The following TMTC1 variants were observed in gnomAD, a reference collection of about 807,000 sequenced individuals.
TMTC1 encodes the protein protein O-mannosyl-transferase TMTC1.
A neutral mutation model predicts 104.8 loss-of-function variants in TMTC1; 73 were observed. The ratio of observed to expected loss-of-function variants is 0.70; its 90% CI spans 0.58 to 0.85. TMTC1 has a LOEUF of 0.85. Among genes scored for constraint, TMTC1 ranks in the 40% least tolerant of loss-of-function variants. The pLI is 0.00. For missense variants in TMTC1, 1,035 were observed against 1,096.1 expected (o/e 0.94, Z 0.79); for synonymous variants, 434 against 428.7 (o/e 1.01, Z -0.15).
At chr12:29,553,532 T>C (rs1462639989) in intron 10 of TMTC1, among the ~76,000 whole-genome samples, 1 of 152,166 alleles carries the variant, frequency 6.6e-6, no homozygotes, top group African/African-American at 2.4e-5. Flanking sequence ...GCTTGTTTTC[T>C]CTTCTTTCCT....
intron 10 of TMTC1, among the ~76,000 whole-genome samples, chr12:29,547,784 C>G (rs539764993): frequency 6.6e-6 from 1 of 152,226 alleles, no homozygotes; most frequent in South Asian, 2.1e-4. Context: ...TGTGTGTACG[C>G]AATGGATATG....
intron 5 of TMTC1, among the ~76,000 whole-genome samples, chr12:29,675,812 T>C (rs1191527593): frequency 6.6e-6 from 1 of 152,174 alleles, no homozygotes; most frequent in African/African-American, 2.4e-5. Context: ...TGAGCCAATA[T>C]AAGGTATTCT....
chr12:29,561,592 A>C (rs1945379018), intron 9 of TMTC1, among the ~76,000 whole-genome samples: 1 of 152,224 alleles, frequency 6.6e-6, no homozygotes, highest in Non-Finnish European at 1.5e-5. Flanking sequence ...CTTCAGCTTT[A>C]ACCTCAACTA....
At chr12:29,727,387 AT>A (rs1942424358) in intron 5 of TMTC1, among the ~76,000 whole-genome samples, 1 of 150,998 alleles carries the variant, frequency 6.6e-6, no homozygotes, top group Non-Finnish European at 1.5e-5. Context: ...TTATTTATTT[AT>A]TTTTTTGAGA....
chr12:29,710,815 TATA>T (rs57218526), intron 5 of TMTC1, among the ~76,000 whole-genome samples: 96,159 of 132,190 alleles, frequency 0.73, 35,937 homozygotes, highest in South Asian at 0.84. Context: ...TTATATATAA[TATA>T]ATGTTTATAT....
intron 8 of TMTC1, among the ~76,000 whole-genome samples, chr12:29,581,836 T>G (rs1429001868): frequency 6.6e-6 from 1 of 152,126 alleles, no homozygotes; most frequent in Non-Finnish European, 1.5e-5. Flanking sequence ...TACTCCTGTG[T>G]TTACCGAATG....
chr12:29,631,067 T>G (rs1004914188), intron 6 of TMTC1, among the ~76,000 whole-genome samples: 1 of 152,232 alleles, frequency 6.6e-6, no homozygotes, highest in Non-Finnish European at 1.5e-5. Flanking sequence ...TCTTCTTCTG[T>G]GCAGGGTCTA....
intron 7 of TMTC1, among the ~76,000 whole-genome samples, chr12:29,593,316 C>T (rs1327688635): frequency 6.6e-6 from 1 of 152,102 alleles, no homozygotes; most frequent in Non-Finnish European, 1.5e-5. Context: ...GTTAAAGGTA[C>T]CAAATGCAGT....
In TMTC1 at chr12:29,502,341, T is replaced by TTG. The variant is rs983448520; in HGVS notation, c.*4504_*4505insCA. The stretch of plus-strand genomic sequence containing the variant: ...TCCACCACAAATCAAAGCAAAAGTT[T>TTG]TTTTTTTTTTCAAAAACAGATTCTA... On this transcript the variant is annotated 3_prime_UTR_variant, in exon 18 of 18. Coordinates refer to ENST00000539277, the MANE Select transcript of TMTC1 (RefSeq NM_001193451.2). 1.3e-4 allele frequency: 19 copies of TTG among 151,932 alleles called. No individual in the cohort carries two copies. The highest frequency in any genetic ancestry group is 4.6e-4 in the African/African-American group (19 of 41,408). The allele number at this position is 151,932 out of a possible 1,614,324, so 9.4% of individuals were successfully genotyped here.
intron 5 of TMTC1, among the ~76,000 whole-genome samples, chr12:29,724,395 T>C (rs1942324390): frequency 6.6e-6 from 1 of 152,212 alleles, no homozygotes; most frequent in South Asian, 2.1e-4. Flanking sequence ...AAATGTCATT[T>C]GTAAGAATAC....
chr12:29,617,536 CAGAGAGAGAG>C (rs145115277), intron 6 of TMTC1, among the ~76,000 whole-genome samples: 7 of 134,942 alleles, frequency 5.2e-5, no homozygotes, highest in Middle Eastern at 3.5e-3. Flanking sequence ...AAACAGACAA[CAGAGAGAGAG>C]AGAGAGAGAG....
At chr12:29,738,855 T>C (rs771754869) in intron 5 of TMTC1, among the ~76,000 whole-genome samples, 9 of 152,116 alleles carry the variant, frequency 5.9e-5, no homozygotes. Flanking sequence ...AGAAAACAAA[T>C]GCACTCAAGG....
chr12:29,629,684 G>A (rs957260686), intron 6 of TMTC1, among the ~76,000 whole-genome samples: 1 of 152,192 alleles, frequency 6.6e-6, no homozygotes, highest in East Asian at 1.9e-4. Flanking sequence ...AGCTGAGAGT[G>A]ATTACTTAAT....
intron 5 of TMTC1, among the ~76,000 whole-genome samples, chr12:29,712,938 T>A (rs980775841): frequency 4.6e-5 from 7 of 152,182 alleles, no homozygotes; most frequent in Non-Finnish European, 8.8e-5. Flanking sequence ...GGTGTTCAGT[T>A]GTTTGTTCAA....
rs566139194 is a variant in TMTC1, at chr12:29,727,522, A to G, written c.938+24144T>C. ...CTCTCAAGTAGCTGGGACTACAGGC[A>G]CCCACCACCACGCCTGGCTAATTTT... On this transcript the variant is annotated intron_variant, in intron 5 of 17. Transcript: ENST00000539277. Among the ~76,000 whole-genome samples, 17 of 151,916 alleles carry G rather than the reference A, an allele frequency of 1.1e-4. No homozygotes were observed. In the South Asian group the frequency reaches 3.5e-3, roughly 32 times the overall value.
intron 5 of TMTC1, among the ~76,000 whole-genome samples, chr12:29,725,481 G>A (rs1392440880): frequency 6.6e-6 from 1 of 152,030 alleles, no homozygotes; most frequent in Non-Finnish European, 1.5e-5. Flanking sequence ...TTATAGGCAT[G>A]AGCTACCACA....
chr12:29,545,628 G>GTCTC (rs1462995781), intron 10 of TMTC1, among the ~76,000 whole-genome samples: 43 of 50,206 alleles, frequency 8.6e-4, no homozygotes, highest in African/African-American at 2.8e-3. Context: ...GCAAGACTCT[G>GTCTC]TCACACACAC....
chr12:29,710,988 T>TC (rs1477443522), intron 5 of TMTC1, among the ~76,000 whole-genome samples: 1 of 14,762 alleles, frequency 6.8e-5, no homozygotes, highest in African/African-American at 1.0e-4. Context: ...TATATATATA[T>TC]TTTTTCCCCC....
intron 9 of TMTC1, among the ~76,000 whole-genome samples, chr12:29,557,874 T>C (rs1439605572): frequency 2.0e-5 from 3 of 152,212 alleles, no homozygotes; most frequent in African/African-American, 7.2e-5. Context: ...TTTTCCATTT[T>C]ATCTCATTTC....
Sources: allele counts gnomAD v4.1 joint callset (sites outside exome capture counted in the v4.1 genomes callset), GRCh38; gene constraint gnomAD v4.1.1; transcripts MANE v1.5; gene names NCBI Gene and HGNC (gene_info 2026-07-23, HGNC 2026-07-21).